CORO7: variants seen among roughly 807,000 people sequenced by gnomAD.
CORO7 encodes the protein coronin 7.
Under a neutral mutation model 126.6 loss-of-function variants are expected in CORO7, and 107 were observed. The ratio of observed to expected loss-of-function variants is 0.85; its 90% CI spans 0.72 to 0.99. The LOEUF (loss-of-function observed/expected upper bound fraction) is 0.99, where lower values mean the gene tolerates loss of function less well. CORO7 is among the 50% of genes least tolerant of loss of function. CORO7 has a pLI of 0.00. For synonymous variants in CORO7, 603 were observed against 536.8 expected, an observed-to-expected ratio of 1.12 and a Z score of -1.70; for missense variants, 1,314 against 1,255.8, an observed-to-expected ratio of 1.05 and a Z score of -0.70.
intron 9 of CORO7, chr16:4,382,957 C>T: frequency 7.0e-7 from 1 of 1,434,048 alleles, no homozygotes. Flanking sequence ...TGGCCAGCCC[C>T]CTCCTGCTGC....
chr16:4,382,177 G>A (rs764566454), intron 9 of CORO7: 9 of 1,597,114 alleles, frequency 5.6e-6, no homozygotes, highest in Middle Eastern at 1.7e-4. Context: ...CTTGTGCCCC[G>A]AAGGCTTCAC....
chr16:4,360,574 A>G, intron 19 of CORO7, 26 bp from the exon 20 acceptor site: 1 of 1,570,092 alleles, frequency 6.4e-7, no homozygotes, highest in East Asian at 2.4e-5. Flanking sequence ...GATATGAGAG[A>G]CAGCCTTGCT....
At chr16:4,401,476 G>A (rs566963981) in intron 6 of CORO7, among the ~76,000 whole-genome samples, 92 of 152,248 alleles carry the variant, frequency 6.0e-4, no homozygotes, top group African/African-American at 2.0e-3. Flanking sequence ...CGTGCCAGGC[G>A]GGCACCAGGT....
At position 4,366,095 on chromosome 16, in the gene CORO7, AC is replaced by A. The variant is rs994470853; in HGVS notation, c.786-551del. ...TCAGTGATATCTTGGAAGCTCAGAG[AC>A]CCCCCCATGCTGAGTTAAAGTTCCT... On this transcript the variant is annotated intron_variant, in intron 9 of 27. Transcript: ENST00000251166. Among the ~76,000 whole-genome samples, 15 of 151,300 alleles carry A rather than the reference AC, an allele frequency of 9.9e-5. No individual in the cohort carries two copies. The South Asian group carries it at 1.7e-3, about 17-fold the overall frequency.
At position 4,372,238 on chromosome 16, in the gene CORO7, C is replaced by T. The variant is rs1202862874; in HGVS notation, c.786-6693G>A. Reference sequence around the variant, plus strand: ...CGCGCCTGAGTGTGCGGTGAGCCCGCGAGGCTGCAAGCAGACAAAATAAAC... The same window carrying T: ...CGCGCCTGAGTGTGCGGTGAGCCCGTGAGGCTGCAAGCAGACAAAATAAAC... On this transcript the variant is annotated intron_variant, in intron 9 of 27. Transcript: ENST00000251166. Among the ~76,000 whole-genome samples the T allele has an allele frequency of 7.2e-5, 11 of 152,286 alleles. No homozygotes were observed. The East Asian group carries it at 1.9e-3, about 27-fold the overall frequency.
rs928104912 is a variant in CORO7, at chr16:4,383,106, C to T, written c.785+4880G>A. 5.1e-6 allele frequency: 3 copies of T among 583,728 alleles called. No homozygotes were observed. In the South Asian group the frequency reaches 8.6e-5, roughly 17 times the overall value. The allele number at this position is 583,728 out of a possible 1,614,324, so 36.2% of individuals were successfully genotyped here. On this transcript the variant is annotated intron_variant, in intron 9 of 27. Coordinates refer to ENST00000251166, the MANE Select transcript of CORO7 (RefSeq NM_024535.5). ...TGGCCCAGCTGACGAGCCCTAACGT[C>T]CCCAGAACCGAGTGCCTATGAGGAC...
Position 4,375,910 on chromosome 16 carries a change from G to A in CORO7, c.786-10365C>T, listed in dbSNP as rs555927983. On this transcript the variant is annotated intron_variant, in intron 9 of 27. Transcript: ENST00000251166. ...AGCCCTGGCGTCACAGGTGGGAGACGGAAGCCCAGAGAGGGGAGCTTGCTT... is the reference window on the plus strand; with the variant it reads ...AGCCCTGGCGTCACAGGTGGGAGACAGAAGCCCAGAGAGGGGAGCTTGCTT... 2.6e-5 allele frequency among the ~76,000 whole-genome samples: 4 copies of A among 152,316 alleles called. 1 individual carries two copies. The highest frequency in any genetic ancestry group is 7.2e-5 in the African/African-American group (3 of 41,562).
intron 9 of CORO7, among the ~76,000 whole-genome samples, chr16:4,374,353 TGAG>T (rs1309241496): frequency 6.6e-6 from 1 of 151,340 alleles, no homozygotes; most frequent in Non-Finnish European, 1.5e-5. Flanking sequence ...TCCCTGGGTG[TGAG>T]GAGGCTGGAG....
At chr16:4,367,155 AC>A (rs1481001421) in intron 9 of CORO7, among the ~76,000 whole-genome samples, 4 of 152,036 alleles carry the variant, frequency 2.6e-5, no homozygotes, top group Admixed American at 6.5e-5. Flanking sequence ...TGGGCTGGTC[AC>A]CTGTGAGTAA....
chr16:4,407,389 TA>T, intron 5 of CORO7, 111 bp downstream of exon 5: 1 of 1,308,736 alleles, frequency 7.6e-7, no homozygotes, highest in Non-Finnish European at 1.0e-6. Context: ...TATGTAAGTG[TA>T]AAACTTTGAT....
rs534383988 is a variant in CORO7 at position 4,381,910 on chromosome 16, G to A, written c.785+6076C>T. The A allele has an allele frequency of 4.0e-5, 65 of 1,605,848 alleles. No individual in the cohort carries two copies. Among genetic ancestry groups the A allele is most frequent in the South Asian group, 2.6e-4 (24 of 90,798 alleles). On this transcript the variant is annotated intron_variant, in intron 9 of 27. Coordinates refer to ENST00000251166, the MANE Select transcript of CORO7 (RefSeq NM_024535.5). ...CCGGCTGCTCCTGGAGCTTGACTAC[G>A]CCGACTTTGGCTGCCCAGCCACCAC...
intron 9 of CORO7, chr16:4,381,339 G>A (rs2054952338): frequency 1.9e-6 from 3 of 1,608,654 alleles, no homozygotes; most frequent in Non-Finnish European, 2.5e-6. Flanking sequence ...TGGAGCTCAA[G>A]CTGCAGGACA....
At chr16:4,415,482 T>C (rs1284843676) in intron 1 of CORO7, among the ~76,000 whole-genome samples, 3 of 152,162 alleles carry the variant, frequency 2.0e-5, no homozygotes, top group African/African-American at 7.2e-5. Context: ...GTTTGTCTGC[T>C]TGCTGTCTCC....
At chr16:4,355,764 C>G (rs1168789029) in intron 26 of CORO7, among the ~76,000 whole-genome samples, 2 of 151,184 alleles carry the variant, frequency 1.3e-5, no homozygotes, top group South Asian at 4.2e-4. Flanking sequence ...CCACAGCGCC[C>G]GGCCTTTTTG....
rs2054036999 is a variant in CORO7, at chr16:4,358,052, G to A, written c.2509C>T (p.Pro837Ser). ...VFPDTAVIWE[P>S]VLSAEAWLQG... ...AGCCAGGCCTCGGCACTGAGCACAGGCTCCCAGATCACAGCCGTGTCTGGG... is the reference window on the plus strand; with the variant it reads ...AGCCAGGCCTCGGCACTGAGCACAGACTCCCAGATCACAGCCGTGTCTGGG... The change falls in exon 25 of 28, where the codon CCT (proline) becomes TCT (serine). Residue 837 changes from proline (P) to serine (S), a missense_variant. Pro to Ser is a moderately conservative substitution (Grantham distance 74). Coordinates refer to ENST00000251166, the MANE Select transcript of CORO7 (RefSeq NM_024535.5). The A allele has an allele frequency of 1.9e-6, 3 of 1,613,406 alleles. No homozygotes were observed. The highest frequency in any genetic ancestry group is 1.7e-6 in the Non-Finnish European group (2 of 1,179,704).
At chr16:4,368,747 CAA>C (rs1283259505) in intron 9 of CORO7, among the ~76,000 whole-genome samples, 32 of 56,654 alleles carry the variant, frequency 5.6e-4, no homozygotes, top group African/African-American at 1.5e-3. Flanking sequence ...GACTCCATCT[CAA>C]AAAAAAAAAA....
chr16:4,408,315 C>T (rs936406155), intron 3 of CORO7, 64 bp from the exon 4 acceptor site: 4 of 1,608,804 alleles, frequency 2.5e-6, no homozygotes, highest in Non-Finnish European at 3.4e-6. Context: ...TGAAGCAAAG[C>T]CCAGGGCTTC....
rs140152390 is a variant in CORO7, at chr16:4,360,972, G to A, written c.1888C>T (p.Arg630Trp). The A allele has an allele frequency of 1.6e-4, 260 of 1,612,360 alleles. 2 individuals are homozygous for A. The South Asian group carries it at 2.6e-3, about 16-fold the overall frequency. ...RIWDLQAGADRLKLQGHQDQI... is the reference protein window; with the variant it reads ...RIWDLQAGADWLKLQGHQDQI... ...TCTTGGTGGCCCTGCAGCTTCAGCC[G>A]ATCAGCTCCAGCCTGAAGGTCCCAG... Residue 630 changes from arginine (R) to tryptophan (W), a missense_variant, in exon 19 of 28, where the codon CGG (arginine) becomes TGG (tryptophan). By Grantham distance (101) the Arg-to-Trp change is moderately radical. Transcript: ENST00000251166.
intron 9 of CORO7, among the ~76,000 whole-genome samples, chr16:4,386,060 G>A (rs979972910): frequency 6.6e-6 from 1 of 152,222 alleles, no homozygotes; most frequent in Admixed American, 6.5e-5. Context: ...GGGGGTGCAG[G>A]GGACCTGCCA....
Sources: allele counts gnomAD v4.1 joint callset (sites outside exome capture counted in the v4.1 genomes callset), GRCh38; gene constraint gnomAD v4.1.1; transcripts MANE v1.5; gene names NCBI Gene and HGNC (gene_info 2026-07-23, HGNC 2026-07-21).